The following CACNA1I variants were observed in gnomAD, a reference collection of about 807,000 sequenced individuals.
CACNA1I encodes voltage-dependent T-type calcium channel subunit alpha-1I.
Under a neutral mutation model 201.6 loss-of-function variants are expected in CACNA1I, and 74 were observed. The observed-to-expected ratio is 0.37, with a 90% CI of 0.30 to 0.45. The LOEUF (loss-of-function observed/expected upper bound fraction) is 0.45, where lower values mean the gene tolerates loss of function less well. Among genes scored for constraint, CACNA1I ranks in the 20% least tolerant of loss-of-function variants. CACNA1I has a pLI of 1.00. For synonymous variants in CACNA1I, 1,431 were observed against 1,345.2 expected, an observed-to-expected ratio of 1.06 and a Z score of -1.40; for missense variants, 2,346 against 3,138.1, an observed-to-expected ratio of 0.75 and a Z score of 6.03.
At chr22:39,618,320 T>C (rs1009952418) in intron 3 of CACNA1I, among the ~76,000 whole-genome samples, 10 of 151,314 alleles carry the variant, frequency 6.6e-5, no homozygotes, top group Admixed American at 2.0e-4. Context: ...TATGTGCGTG[T>C]GTGTGATTGT....
chr22:39,685,457 T>C lies in CACNA1I; in HGVS notation c.6028-304T>C, dbSNP rs998553976. 4.3e-4 allele frequency among the ~76,000 whole-genome samples: 9 copies of C among 20,876 alleles called. No homozygotes were observed. The highest frequency in any genetic ancestry group is 1.8e-3 in the African/African-American group (9 of 5,064). The allele number at this position is 20,876 out of a possible 152,430, so 13.7% of individuals were successfully genotyped here. A position where few individuals can be genotyped will look rare whatever the true frequency, so the allele number is the denominator to read the frequency against. ...GGTGCGGTGGGGGTGCCACGTGCCC[T>C]GGGGGAGGGCGGTGGGCCCAGGGCT... On this transcript the variant is annotated intron_variant, in intron 36 of 36. Transcript: ENST00000402142. This position sits in a 1 kb window ranked among gnomAD's most constrained non-coding sequence, Gnocchi z 5.0.
Position 39,571,683 on chromosome 22 carries a change from C to T in CACNA1I, c.236+695C>T, listed in dbSNP as rs527259303. On this transcript the variant is annotated intron_variant, in intron 1 of 36. Coordinates refer to ENST00000402142, the MANE Select transcript of CACNA1I (RefSeq NM_021096.4). The stretch of plus-strand genomic sequence containing the variant: ...CTGTCTGAAAAGCTTTTCCCTTCCC[C>T]CTGGACCTGGCCAAATCCTTTGCTA... Among the ~76,000 whole-genome samples the T allele has an allele frequency of 2.6e-5, 4 of 152,250 alleles. No individual in the cohort carries two copies. In the South Asian group the frequency reaches 6.2e-4, roughly 24 times the overall value.
Position 39,665,203 on chromosome 22 carries a change from G to T in CACNA1I, c.3851+280G>T, listed in dbSNP as rs946860702. 1.3e-5 allele frequency among the ~76,000 whole-genome samples: 2 copies of T among 152,176 alleles called. No individual in the cohort carries two copies. Among genetic ancestry groups the T allele is most frequent in the African/African-American group, 2.4e-5 (1 of 41,444 alleles). On this transcript the variant is annotated intron_variant, in intron 21 of 36. Coordinates refer to ENST00000402142, the MANE Select transcript of CACNA1I (RefSeq NM_021096.4). The surrounding 1 kb of genome is among the most constrained non-coding windows in gnomAD (Gnocchi z 5.5). ...TCTGGGTATCAGTCCCTAGACCAGG[G>T]TGTGGTGTGGACCCCGAGGAGCTGG...
chr22:39,680,271 C>T (rs1290365115), intron 33 of CACNA1I, among the ~76,000 whole-genome samples: 1 of 152,212 alleles, frequency 6.6e-6, no homozygotes, highest in Non-Finnish European at 1.5e-5. Context: ...CCTGTCCTGG[C>T]CTCCACCTCA....
Position 39,645,799 on chromosome 22 carries a change from C to T in CACNA1I, c.1150-770C>T, listed in dbSNP as rs145282668. On this transcript the variant is annotated intron_variant, in intron 7 of 36. Transcript: ENST00000402142. ...CTGGAAACTGGAGAGGAGCCCCACT[C>T]GTGGAGCCCTCGGGCCACAAGGAGA... 3.6e-3 allele frequency among the ~76,000 whole-genome samples: 553 copies of T among 152,324 alleles called. 2 individuals are homozygous for T. Among genetic ancestry groups the T allele is most frequent in the African/African-American group, 0.013 (529 of 41,570 alleles).
At chr22:39,679,044 T>C (rs2146476977) in intron 31 of CACNA1I, 63 bp from the exon 32 acceptor site, 2 of 1,355,072 alleles carry the variant, frequency 1.5e-6, no homozygotes, top group Non-Finnish European at 2.0e-6. Flanking sequence ...TGGGCTGGCC[T>C]CTGCCTCCAG....
Position 39,629,867 on chromosome 22 carries a change from C to T in CACNA1I, c.581-4698C>T, listed in dbSNP as rs1350585794. Among the ~76,000 whole-genome samples the T allele has an allele frequency of 6.6e-6, 1 of 152,130 alleles. No individual in the cohort carries two copies. The highest frequency in any genetic ancestry group is 1.5e-5 in the Non-Finnish European group (1 of 68,020). On this transcript the variant is annotated intron_variant, in intron 4 of 36. Transcript: ENST00000402142. This position sits in a 1 kb window ranked among gnomAD's most constrained non-coding sequence, Gnocchi z 4.8. The stretch of plus-strand genomic sequence containing the variant: ...TGATGCTCTCTCTCCTCTGCCCTGG[C>T]CCCCCGCGATCCATTCTCCACCCAG...
At chr22:39,578,892 T>G (rs1391778314) in intron 1 of CACNA1I, among the ~76,000 whole-genome samples, 2 of 152,148 alleles carry the variant, frequency 1.3e-5, no homozygotes, top group East Asian at 3.9e-4. Flanking sequence ...TCCTCTGCCT[T>G]TGCTCCTGCT....
At chr22:39,612,255 C>T (rs1274167552) in intron 3 of CACNA1I, among the ~76,000 whole-genome samples, 1 of 152,132 alleles carries the variant, frequency 6.6e-6, no homozygotes, top group Non-Finnish European at 1.5e-5. Context: ...AAAGTCCTCG[C>T]CAGATGCAGC....
chr22:39,633,303 G>A (rs935254602), intron 4 of CACNA1I, among the ~76,000 whole-genome samples: 1 of 152,178 alleles, frequency 6.6e-6, no homozygotes, highest in East Asian at 1.9e-4. Context: ...GAACCTTATA[G>A]CCTAGTGGAA....
At chr22:39,621,624 A>G (rs1933746082) in intron 4 of CACNA1I, among the ~76,000 whole-genome samples, 1 of 152,142 alleles carries the variant, frequency 6.6e-6, no homozygotes, top group African/African-American at 2.4e-5. Context: ...TGGCTTGGGT[A>G]GGGCACAGAG....
chr22:39,613,049 C>T (rs1468200511), intron 3 of CACNA1I, among the ~76,000 whole-genome samples: 5 of 152,248 alleles, frequency 3.3e-5, no homozygotes, highest in Non-Finnish European at 5.9e-5. Context: ...CCCCCGTGGG[C>T]CCCTTGTGAA....
intron 3 of CACNA1I, among the ~76,000 whole-genome samples, chr22:39,608,796 GGTGACAGA>G (rs1035176958): frequency 6.6e-6 from 1 of 152,040 alleles, no homozygotes; most frequent in Non-Finnish European, 1.5e-5. Flanking sequence ...CTGCAGCCTG[GGTGACAGA>G]GTGAGATCCT....
At chr22:39,620,841 G>T (rs1601467927) in intron 4 of CACNA1I, among the ~76,000 whole-genome samples, 1 of 152,188 alleles carries the variant, frequency 6.6e-6, no homozygotes, top group South Asian at 2.1e-4. Context: ...TGCAACTTCT[G>T]CCTCCCAGGT....
chr22:39,659,817 C>T lies in CACNA1I; in HGVS notation c.2569C>T (p.Leu857=). The part of the protein sequence containing the change: ...TFGNYVLFNL[L]VAILVEGFQA... ...CGGCAACTATGTGCTCTTCAACCTG[C>T]TGGTGGCCATCCTGGTGGAGGGCTT... The change falls in exon 14 of 37, where the codon CTG becomes TTG. Residue 857 remains leucine (L), a synonymous_variant. Coordinates refer to ENST00000402142, the MANE Select transcript of CACNA1I (RefSeq NM_021096.4). The surrounding 1 kb of genome is among the most constrained non-coding windows in gnomAD (Gnocchi z 4.3). 1 of 1,613,922 alleles carries T rather than the reference C, an allele frequency of 6.2e-7. No homozygotes were observed. The highest frequency in any genetic ancestry group is 8.5e-7 in the Non-Finnish European group (1 of 1,179,874).
intron 20 of CACNA1I, 36 bp downstream of exon 20, chr22:39,664,195 C>T: frequency 1.9e-6 from 3 of 1,568,042 alleles, no homozygotes; most frequent in East Asian, 2.3e-5. Flanking sequence ...CCTGCTAGCC[C>T]CAGCTCGGGC....
intron 1 of CACNA1I, 183 bp downstream of exon 1, chr22:39,571,171 G>A: frequency 1.6e-6 from 1 of 616,216 alleles, no homozygotes; most frequent in South Asian, 1.9e-5. Flanking sequence ...AAATGGATGA[G>A]GACCTGGTGT....
intron 4 of CACNA1I, among the ~76,000 whole-genome samples, chr22:39,631,934 C>A (rs1274215801): frequency 6.6e-6 from 1 of 152,056 alleles, no homozygotes; most frequent in African/African-American, 2.4e-5. Flanking sequence ...GCTAATTATG[C>A]CAGGGCTCTG....
chr22:39,577,303 T>C (rs1318669726), intron 1 of CACNA1I, among the ~76,000 whole-genome samples: 1 of 152,254 alleles, frequency 6.6e-6, no homozygotes. Flanking sequence ...CCCAAAGTGC[T>C]GGGATTACAG....
Sources: gnomAD v4.1 joint callset for allele counts (sites outside exome capture counted in the v4.1 genomes callset) on GRCh38, gnomAD v4.1.1 for gene constraint, Gnocchi (gnomAD v3.1) non-coding constraint, MANE v1.5 for transcripts, NCBI Gene and HGNC (gene_info 2026-07-23, HGNC 2026-07-21) for gene names.